SULT1E1: variants seen among roughly 807,000 people sequenced by gnomAD.
The protein encoded by SULT1E1 is sulfotransferase 1E1.
A neutral mutation model predicts 33.6 loss-of-function variants in SULT1E1; 36 were observed. The observed-to-expected ratio is 1.07, with a 90% CI of 0.82 to 1.41. The LOEUF is 1.41. SULT1E1 is among the 40% of genes most tolerant of loss of function. The pLI is 0.00. For missense variants in SULT1E1, 371 were observed against 345.7 expected, an observed-to-expected ratio of 1.07 and a Z score of -0.58; for synonymous variants, 121 against 111.7, an observed-to-expected ratio of 1.08 and a Z score of -0.53.
At chr4:69,846,699 T>A (rs576208606) in intron 6 of SULT1E1, among the ~76,000 whole-genome samples, 2 of 151,734 alleles carry the variant, frequency 1.3e-5, no homozygotes, top group Non-Finnish European at 3.0e-5. Flanking sequence ...ACAAGTTGTT[T>A]CCAGTGTTTG....
chr4:69,829,822 C>T, the SULT1E1 span, among the ~76,000 whole-genome samples: 2 of 152,316 alleles, frequency 1.3e-5, no homozygotes, highest in South Asian at 4.1e-4. Context: ...CAGGTCACTA[C>T]CAAATGCTCA....
At chr4:69,853,575 C>G (rs1005823453) in intron 4 of SULT1E1, among the ~76,000 whole-genome samples, 5 of 152,106 alleles carry the variant, frequency 3.3e-5, no homozygotes, top group African/African-American at 1.2e-4. Flanking sequence ...TTCCCTACCC[C>G]CAGTGTCTGA....
chr4:69,849,535 T>G lies in SULT1E1; in HGVS notation c.398A>C (p.Asp133Ala). 6.2e-7 allele frequency: 1 copy of G among 1,608,074 alleles called. No individual in the cohort carries two copies. Among genetic ancestry groups the G allele is most frequent in the South Asian group, 1.1e-5 (1 of 90,154 alleles). ...GAAATAATAAAAGGAAACAGCCACATCCTTTGCATTCCGGCAAAGATAGAT... is the reference window on the plus strand; with the variant it reads ...GAAATAATAAAAGGAAACAGCCACAGCCTTTGCATTCCGGCAAAGATAGAT... Reference protein sequence around the residue: ...KIIYLCRNAKDVAVSFYYFFL... With the variant: ...KIIYLCRNAKAVAVSFYYFFL... Residue 133 changes from aspartate (D) to alanine (A), a missense_variant, in exon 5 of 8, where the codon GAT (aspartate) becomes GCT (alanine). Transcript: ENST00000226444.
chr4:69,835,469 T>A, the SULT1E1 span, among the ~76,000 whole-genome samples: 1 of 152,140 alleles, frequency 6.6e-6, no homozygotes, highest in Non-Finnish European at 1.5e-5. Context: ...AAGATAACCA[T>A]TATGTCTATT....
intron 2 of SULT1E1, among the ~76,000 whole-genome samples, chr4:69,857,139 AAG>A (rs774558900): frequency 3.9e-5 from 6 of 152,104 alleles, no homozygotes; most frequent in Non-Finnish European, 7.4e-5. Context: ...GGTGAGCTGA[AAG>A]AGAGTTTTAG....
At chr4:69,830,070 A>G in the SULT1E1 span, among the ~76,000 whole-genome samples, 1 of 152,062 alleles carries the variant, frequency 6.6e-6, no homozygotes, top group Non-Finnish European at 1.5e-5. Flanking sequence ...TTGTCCTTCC[A>G]GTGTCCTTTC....
intron 7 of SULT1E1, among the ~76,000 whole-genome samples, chr4:69,843,859 GT>G (rs1720926644): frequency 6.6e-6 from 1 of 152,198 alleles, no homozygotes; most frequent in Non-Finnish European, 1.5e-5. Context: ...TATGATACAT[GT>G]TGTAACACTG....
At chr4:69,829,146 A>G in the SULT1E1 span, among the ~76,000 whole-genome samples, 4 of 152,196 alleles carry the variant, frequency 2.6e-5, no homozygotes, top group Admixed American at 1.3e-4. Context: ...ATGTCCCATT[A>G]AAGTATACAG....
At chr4:69,824,133 T>C in the SULT1E1 span, among the ~76,000 whole-genome samples, 10 of 152,294 alleles carry the variant, frequency 6.6e-5, 1 homozygote, top group East Asian at 1.7e-3. Flanking sequence ...CCCCCTTTGG[T>C]CCATCAAAGT....
the SULT1E1 span, among the ~76,000 whole-genome samples, chr4:69,826,170 G>A: frequency 6.6e-6 from 1 of 152,106 alleles, no homozygotes; most frequent in African/African-American, 2.4e-5. Context: ...TTCCAACCCT[G>A]GAGATTCCTT....
the SULT1E1 span, among the ~76,000 whole-genome samples, chr4:69,835,956 T>G: frequency 6.6e-6 from 1 of 152,188 alleles, no homozygotes; most frequent in Non-Finnish European, 1.5e-5. Context: ...GGCTTCTTTA[T>G]CTTAGCAGAT....
At chr4:69,858,097 G>A (rs3822173) in intron 1 of SULT1E1, among the ~76,000 whole-genome samples, 6,645 of 151,988 alleles carry the variant, frequency 0.044, 209 homozygotes, top group East Asian at 0.083. Context: ...TATTATTGCC[G>A]GGTATCTAAG....
intron 1 of SULT1E1, 87 bp from the exon 2 acceptor site, chr4:69,857,740 A>G: frequency 7.9e-7 from 1 of 1,258,346 alleles, no homozygotes. Context: ...ACCCTCCTAC[A>G]TACCTAGCAC....
downstream of SULT1E1, among the ~76,000 whole-genome samples, chr4:69,840,944 G>A (rs1006199367): frequency 6.6e-6 from 1 of 152,092 alleles, no homozygotes; most frequent in South Asian, 2.1e-4. Context: ...TACTTGGAAG[G>A]CTGAGGCAGG....
At position 69,841,853 on chromosome 4, in the gene SULT1E1, A is replaced by AG. The variant is rs1720892118; in HGVS notation, c.*140_*141insC. Reference sequence around the variant, plus strand: ...GAGACTCTGTCTCAAAAAAAAAAAAAAAAAGTTAAACAAAAATTTAAAAAG... The same window carrying AG: ...GAGACTCTGTCTCAAAAAAAAAAAAAGAAAAGTTAAACAAAAATTTAAAAAG... On this transcript the variant is annotated 3_prime_UTR_variant, in exon 8 of 8. Transcript: ENST00000226444. 1 of 545,932 alleles carries AG rather than the reference A, an allele frequency of 1.8e-6. No individual in the cohort carries two copies. Among genetic ancestry groups the AG allele is most frequent in the East Asian group, 3.4e-5 (1 of 28,988 alleles). The allele number at this position is 545,932 out of a possible 1,614,324, so 33.8% of individuals were successfully genotyped here. A position where few individuals can be genotyped will look rare whatever the true frequency, so the allele number is the denominator to read the frequency against.
At chr4:69,824,504 G>A in the SULT1E1 span, among the ~76,000 whole-genome samples, 1 of 152,132 alleles carries the variant, frequency 6.6e-6, no homozygotes, top group African/African-American at 2.4e-5. Context: ...TTCACATAAT[G>A]GTTTAGCCAT....
At chr4:69,825,976 G>A in the SULT1E1 span, among the ~76,000 whole-genome samples, 2 of 152,088 alleles carry the variant, frequency 1.3e-5, no homozygotes, top group Non-Finnish European at 1.5e-5. Flanking sequence ...TAGGCACCCA[G>A]GCTCACTAAT....
the SULT1E1 span, among the ~76,000 whole-genome samples, chr4:69,829,255 G>C: frequency 2.0e-5 from 3 of 152,186 alleles, no homozygotes; most frequent in Non-Finnish European, 4.4e-5. Context: ...ACTGACAAGA[G>C]AGGGGTATTC....
chr4:69,828,931 G>T, the SULT1E1 span, among the ~76,000 whole-genome samples: 1 of 152,310 alleles, frequency 6.6e-6, no homozygotes, highest in South Asian at 2.1e-4. Flanking sequence ...ACTGCTCGGT[G>T]AGGTGCAGTC....
Sources: allele counts gnomAD v4.1 joint callset (sites outside exome capture counted in the v4.1 genomes callset), GRCh38; gene constraint gnomAD v4.1.1; transcripts MANE v1.5; gene names NCBI Gene and HGNC (gene_info 2026-07-23, HGNC 2026-07-21).